Variants in RBM34 observed in about 807,000 individuals in gnomAD.
RBM34 encodes RNA-binding protein 34.
In RBM34, 39 loss-of-function variants were observed where a neutral mutation model predicts 44.6. The ratio of observed to expected loss-of-function variants is 0.87; its 90% CI spans 0.68 to 1.14. The LOEUF (loss-of-function observed/expected upper bound fraction) is 1.14. Ranked by LOEUF, RBM34 falls within the 50% of genes most tolerant of loss-of-function variation. The probability of loss-of-function intolerance (pLI) is 0.00; values close to 1 mark genes in which losing one functional copy is unlikely to be tolerated. For synonymous variants in RBM34, 194 were observed against 184.0 expected, an observed-to-expected ratio of 1.05 and a Z score of -0.44; for missense variants, 572 against 517.9, an observed-to-expected ratio of 1.10 and a Z score of -1.01.
At chr1:235,138,259 T>C (rs1661516920) in intron 6 of RBM34, 85 bp from the exon 7 acceptor site, 1 of 1,036,260 alleles carries the variant, frequency 9.7e-7, no homozygotes, top group Admixed American at 2.7e-5. Context: ...AAAATCTAGC[T>C]GTTTTCAACT....
At position 235,131,555 on chromosome 1, in the gene RBM34, T is replaced by C. The variant is rs1572137013; in HGVS notation, c.*158A>G. 4.8e-6 allele frequency: 4 copies of C among 831,156 alleles called. No individual in the cohort carries two copies. In the East Asian group the frequency reaches 1.1e-4, roughly 22 times the overall value. The allele number at this position is 831,156 out of a possible 1,614,324, so 51.5% of individuals were successfully genotyped here. On this transcript the variant is annotated 3_prime_UTR_variant, in exon 11 of 11. Coordinates refer to ENST00000408888, the MANE Select transcript of RBM34 (RefSeq NM_015014.4). ...AAAACCTTCAAAGGTAGTATCACAA[T>C]GTGAATAAACTGAGAATGTGGAAGT...
chr1:235,160,999 C>G lies in RBM34; in HGVS notation c.122G>C (p.Ser41Thr). ...EDYRLGQVAS[S>T]LFRGEHHSRG... Reference sequence around the variant, plus strand: ...GGAATGGTGTTCGCCGCGAAATAAGCTACTGGCGACCTGTCCAAGCCTGTA... The same window carrying G: ...GGAATGGTGTTCGCCGCGAAATAAGGTACTGGCGACCTGTCCAAGCCTGTA... Residue 41 changes from serine (S) to threonine (T), a missense_variant, in exon 2 of 11, where the codon AGC becomes ACC. Physicochemically the swap from Ser to Thr is moderately conservative, Grantham distance 58 (BLOSUM62 1). Coordinates refer to ENST00000408888, the MANE Select transcript of RBM34 (RefSeq NM_015014.4). 6.2e-7 allele frequency: 1 copy of G among 1,614,166 alleles called. No individual in the cohort carries two copies. Among genetic ancestry groups the G allele is most frequent in the South Asian group, 1.1e-5 (1 of 91,080 alleles).
intron 9 of RBM34, 126 bp from the exon 10 acceptor site, chr1:235,135,896 TA>T: frequency 8.2e-7 from 1 of 1,216,994 alleles, no homozygotes; most frequent in South Asian, 1.4e-5. Context: ...GCACACTTTT[TA>T]GTACATGTGC....
At chr1:235,158,147 G>T (rs1269312263) in intron 3 of RBM34, among the ~76,000 whole-genome samples, 2 of 152,118 alleles carry the variant, frequency 1.3e-5, no homozygotes, top group African/African-American at 4.8e-5. Context: ...AGGCGCGGTG[G>T]CTCACGCCTG....
intron 10 of RBM34, among the ~76,000 whole-genome samples, chr1:235,133,113 G>A (rs931596008): frequency 3.9e-5 from 6 of 152,134 alleles, no homozygotes; most frequent in African/African-American, 1.2e-4. Context: ...AGGCCAAGGC[G>A]GATAGATCAC....
chr1:235,150,199 C>T lies in RBM34; in HGVS notation c.658-1752G>A, dbSNP rs907925441. Among the ~76,000 whole-genome samples, 6 of 152,294 alleles carry T rather than the reference C, an allele frequency of 3.9e-5. No homozygotes were observed. In the East Asian group the frequency reaches 7.7e-4, roughly 20 times the overall value. Reference sequence around the variant, plus strand: ...AAGCGATTCTCCCATCTCAGCCTCCCGAGTAGCTGGGATTACAGGCCCCCG... The same window carrying T: ...AAGCGATTCTCCCATCTCAGCCTCCTGAGTAGCTGGGATTACAGGCCCCCG... On this transcript the variant is annotated intron_variant, in intron 5 of 10. Transcript: ENST00000408888.
At chr1:235,148,502 T>C in intron 5 of RBM34, 55 bp from the exon 6 acceptor site, 1 of 1,371,162 alleles carries the variant, frequency 7.3e-7, no homozygotes, top group Non-Finnish European at 1.0e-6. Flanking sequence ...TTACCTCAAA[T>C]TAATATTTTA....
intron 6 of RBM34, among the ~76,000 whole-genome samples, chr1:235,139,218 A>T (rs1298506219): frequency 6.6e-6 from 1 of 152,244 alleles, no homozygotes; most frequent in Non-Finnish European, 1.5e-5. Flanking sequence ...TTGAAGTAAG[A>T]AAAATGCTAC....
intron 5 of RBM34, 148 bp from the exon 6 acceptor site, chr1:235,148,595 A>AC: frequency 2.8e-6 from 1 of 352,782 alleles, no homozygotes; most frequent in East Asian, 5.7e-5. Context: ...AACTGTCCTA[A>AC]TTTTTTTTTT....
At chr1:235,155,816 C>CATATACATATAT (rs1662382520) in intron 3 of RBM34, among the ~76,000 whole-genome samples, 1 of 72,724 alleles carries the variant, frequency 1.4e-5, no homozygotes, top group Non-Finnish European at 2.6e-5. Flanking sequence ...TTTATACATA[C>CATATACATATAT]ATATACATAT....
chr1:235,148,101 G>A (rs1661983761), intron 6 of RBM34, among the ~76,000 whole-genome samples: 1 of 152,200 alleles, frequency 6.6e-6, no homozygotes, highest in Non-Finnish European at 1.5e-5. Flanking sequence ...TATGGCATTT[G>A]TAATCTGTAT....
In RBM34 at chr1:235,131,574, T is replaced by TG. The variant is rs1354064316; in HGVS notation, c.*138dup. ...TCACAATGTGAATAAACTGAGAATG[T>TG]GGAAGTCTCCACATTTCACATACAC... On this transcript the variant is annotated 3_prime_UTR_variant, in exon 11 of 11. Coordinates refer to ENST00000408888, the MANE Select transcript of RBM34 (RefSeq NM_015014.4). The TG allele has an allele frequency of 3.3e-5, 32 of 955,950 alleles. No individual in the cohort carries two copies. Among genetic ancestry groups the TG allele is most frequent in the Non-Finnish European group, 4.6e-5 (30 of 649,588 alleles). The allele number at this position is 955,950 out of a possible 1,614,324, so 59.2% of individuals were successfully genotyped here. A position where few individuals can be genotyped will look rare whatever the true frequency, so the allele number is the denominator to read the frequency against.
intron 2 of RBM34, 25 bp from the exon 3 acceptor site, chr1:235,160,672 T>C (rs921325068): frequency 3.3e-5 from 53 of 1,605,688 alleles, no homozygotes; most frequent in Non-Finnish European, 4.3e-5. Flanking sequence ...GAAGTTATAT[T>C]TGAGACCCCA....
In RBM34 at chr1:235,137,859, A is replaced by G; in HGVS notation, c.849+18T>C. 6.4e-7 allele frequency: 1 copy of G among 1,562,210 alleles called. No homozygotes were observed. Among genetic ancestry groups the G allele is most frequent in the Non-Finnish European group, 8.8e-7 (1 of 1,140,642 alleles). ...TCTACAAAGCTCTCGTTCTTTAAAC[A>G]AATCAAGTACTACTTACAGATGAGG... On this transcript the variant is annotated intron_variant, in intron 8 of 10. Coordinates refer to ENST00000408888, the MANE Select transcript of RBM34 (RefSeq NM_015014.4).
intron 4 of RBM34, among the ~76,000 whole-genome samples, chr1:235,154,484 A>G (rs146827253): frequency 3.0e-4 from 45 of 152,266 alleles, no homozygotes; most frequent in Admixed American, 6.5e-4. Context: ...AGATCACTTG[A>G]GTCCAGGAGT....
intron 3 of RBM34, among the ~76,000 whole-genome samples, chr1:235,159,793 CG>C (rs977017204): frequency 2.7e-5 from 4 of 149,142 alleles, no homozygotes; most frequent in African/African-American, 9.9e-5. Context: ...CACTTAAACC[CG>C]GGAGGTGGAG....
At position 235,134,456 on chromosome 1, in the gene RBM34, C is replaced by T. The variant is rs115996738; in HGVS notation, c.1008+1196G>A. Among the ~76,000 whole-genome samples the T allele has an allele frequency of 3.8e-3, 574 of 152,138 alleles. 4 individuals are homozygous for T. The highest frequency in any genetic ancestry group is 0.013 in the African/African-American group (549 of 41,496). ...GATTACAGTCACGCGTCAACATGCC[C>T]GGCCTGTATATTCTTTTACTCCTTA... is the stretch of plus-strand genomic sequence containing the variant. On this transcript the variant is annotated intron_variant, in intron 10 of 10. Transcript: ENST00000408888.
intron 10 of RBM34, among the ~76,000 whole-genome samples, chr1:235,132,626 A>G (rs932600273): frequency 6.6e-6 from 1 of 151,980 alleles, no homozygotes; most frequent in Non-Finnish European, 1.5e-5. Context: ...AATATTTTAA[A>G]CGAATAAACC....
intron 6 of RBM34, among the ~76,000 whole-genome samples, chr1:235,142,863 G>T (rs774193584): frequency 6.8e-6 from 1 of 147,730 alleles, no homozygotes; most frequent in Non-Finnish European, 1.5e-5. Context: ...GGGAGGCGGA[G>T]GTTGCAGTGA....
Sources: gnomAD v4.1 joint callset for allele counts (sites outside exome capture counted in the v4.1 genomes callset) on GRCh38, gnomAD v4.1.1 for gene constraint, MANE v1.5 for transcripts, NCBI Gene and HGNC (gene_info 2026-07-23, HGNC 2026-07-21) for gene names.